Variants in PARP4 observed in about 807,000 individuals in gnomAD.
The protein encoded by PARP4 is protein mono-ADP-ribosyltransferase PARP4.
PARP4 carries 120 observed loss-of-function variants against 187.7 expected under a neutral mutation model. That is an observed-to-expected ratio of 0.64 (90% confidence interval 0.55 to 0.74). The LOEUF (loss-of-function observed/expected upper bound fraction) is 0.74. Ranked by LOEUF, PARP4 falls within the 30% of genes least tolerant of loss-of-function variation. The pLI is 0.00. For synonymous variants in PARP4, 654 were observed against 740.9 expected, an observed-to-expected ratio of 0.88 and a Z score of 1.90; for missense variants, 1,836 against 2,070.5, an observed-to-expected ratio of 0.89 and a Z score of 2.20.
chr13:24,451,395 A>T (rs9581049), intron 24 of PARP4, among the ~76,000 whole-genome samples: 23,770 of 152,160 alleles, frequency 0.16, 2,442 homozygotes, highest in African/African-American at 0.28. Flanking sequence ...GAGCTGTGAC[A>T]GTGGAGGACA....
At chr13:24,460,465 C>CTCTGCTGCATGGGTGGGT (rs1872160451) in intron 17 of PARP4, among the ~76,000 whole-genome samples, 2 of 97,972 alleles carry the variant, frequency 2.0e-5, no homozygotes, top group Non-Finnish European at 2.2e-5. Flanking sequence ...CACGGGTGGG[C>CTCTGCTGCATGGGTGGGT]TCTGCTGCAC....
At chr13:24,451,992 C>G (rs762647924) in intron 24 of PARP4, 24 of 155,888 alleles carry the variant, frequency 1.5e-4, no homozygotes, top group Non-Finnish European at 3.0e-4. Context: ...GAGTCCAGCA[C>G]AGCCAGTGAG....
intron 33 of PARP4, among the ~76,000 whole-genome samples, chr13:24,425,355 C>T (rs930300037): frequency 6.6e-6 from 1 of 152,152 alleles, no homozygotes; most frequent in Non-Finnish European, 1.5e-5. Flanking sequence ...AATATTTACA[C>T]AGTTCCAAAG....
intron 10 of PARP4, among the ~76,000 whole-genome samples, chr13:24,488,373 A>G (rs1440212246): frequency 6.6e-6 from 1 of 152,210 alleles, no homozygotes; most frequent in East Asian, 1.9e-4. Context: ...AATGTTTTTG[A>G]GACAGAGTCC....
chr13:24,500,420 C>T, intron 3 of PARP4, 38 bp from the exon 4 acceptor site: 1 of 1,279,532 alleles, frequency 7.8e-7, no homozygotes, highest in Non-Finnish European at 1.1e-6. Context: ...GTTTACTGCC[C>T]AAAGACTTAC....
At chr13:24,472,898 T>C (rs1404706233) in intron 15 of PARP4, among the ~76,000 whole-genome samples, 1 of 149,082 alleles carries the variant, frequency 6.7e-6, no homozygotes, top group Non-Finnish European at 1.5e-5. Flanking sequence ...TGAGTTTTTT[T>C]TTTTTTTTTT....
chr13:24,458,641 TA>T (rs1317595723), intron 20 of PARP4, among the ~76,000 whole-genome samples: 2 of 152,164 alleles, frequency 1.3e-5, no homozygotes, highest in African/African-American at 4.8e-5. Context: ...GGCTCAGTGG[TA>T]AACATCATTT....
chr13:24,488,463 T>C (rs1868447093), intron 10 of PARP4, among the ~76,000 whole-genome samples: 2 of 152,136 alleles, frequency 1.3e-5, no homozygotes, highest in Non-Finnish European at 2.9e-5. Context: ...AAGCGATTCT[T>C]GTGCCTCAGC....
At chr13:24,451,987 C>G (rs1871543751) in intron 24 of PARP4, 1 of 155,540 alleles carries the variant, frequency 6.4e-6, no homozygotes, top group Non-Finnish European at 1.4e-5. Flanking sequence ...AGCACGAGTC[C>G]AGCACAGCCA....
chr13:24,482,881 T>G (rs988255565), intron 12 of PARP4, among the ~76,000 whole-genome samples: 1 of 152,220 alleles, frequency 6.6e-6, no homozygotes, highest in African/African-American at 2.4e-5. Context: ...ATTTGACATG[T>G]GTAGCCACAG....
In PARP4 at chr13:24,501,719, T is replaced by A. The variant is rs1346603625; in HGVS notation, c.248A>T (p.Glu83Val). 3.1e-6 allele frequency: 5 copies of A among 1,612,878 alleles called. No homozygotes were observed. The highest frequency in any genetic ancestry group is 1.1e-5 in the South Asian group (1 of 91,058). ...NPDFIWKSIR[E>V]KRLLDVKNYD... ...ATTCTTTACATCCAAGAGTCTCTTT[T>A]CCCTGATAGATTTCCATATAAAATC... The change falls in exon 3 of 34, where the codon GAA (glutamate) becomes GTA (valine). Residue 83 changes from glutamate to valine, a missense_variant. By Grantham distance (121) the Glu-to-Val change is moderately radical. Coordinates refer to ENST00000381989, the MANE Select transcript of PARP4 (RefSeq NM_006437.4).
intron 4 of PARP4, among the ~76,000 whole-genome samples, chr13:24,500,038 G>GTT (rs35514164): frequency 1.9e-4 from 28 of 148,252 alleles, no homozygotes; most frequent in South Asian, 1.5e-3. Flanking sequence ...ATGAAAATAG[G>GTT]TTTTTTTTTA....
chr13:24,446,237 C>T lies in PARP4; in HGVS notation c.3366+444G>A, dbSNP rs1593599709. ...TGCCATACTTAATTGCAGTTATTGC[C>T]ACCCACTGATGCCCATATAGACATA... On this transcript the variant is annotated intron_variant, in intron 27 of 33. Coordinates refer to ENST00000381989, the MANE Select transcript of PARP4 (RefSeq NM_006437.4). Among the ~76,000 whole-genome samples the T allele has an allele frequency of 2.6e-5, 4 of 152,242 alleles. No homozygotes were observed. The East Asian group carries it at 5.8e-4, about 22-fold the overall frequency.
chr13:24,455,480 A>AATAT (rs57015283), intron 21 of PARP4, among the ~76,000 whole-genome samples: 4,062 of 108,336 alleles, frequency 0.037, 177 homozygotes, highest in East Asian at 0.1. Context: ...TTATGGAACA[A>AATAT]ATATATATAT....
chr13:24,435,124 CA>C lies in PARP4; in HGVS notation c.4016del (p.Leu1339CysfsTer9), dbSNP rs1870555981. The stretch of plus-strand genomic sequence containing the variant: ...CTACCTGACGATATGAGGCAAAAGA[CA>C]AGGAAGCAGGACTGTGAGCGCGGGC... ...PTARAHSPAS[L>X]SFASYRQVAS... On this transcript the variant is annotated frameshift_variant, in exon 31 of 34. Coordinates refer to ENST00000381989, the MANE Select transcript of PARP4 (RefSeq NM_006437.4). LOFTEE classifies it high-confidence loss of function. The C allele has an allele frequency of 1.2e-6, 2 of 1,614,040 alleles. No individual in the cohort carries two copies. Among genetic ancestry groups the C allele is most frequent in the South Asian group, 2.2e-5 (2 of 91,086 alleles).
intron 25 of PARP4, among the ~76,000 whole-genome samples, chr13:24,449,126 C>A (rs1302054769): frequency 6.6e-6 from 1 of 152,134 alleles, no homozygotes; most frequent in Admixed American, 6.5e-5. Flanking sequence ...CGGTGGCTCA[C>A]GCCTGTAATC....
chr13:24,468,434 C>T (rs1038026818), intron 17 of PARP4, among the ~76,000 whole-genome samples: 159 of 120,692 alleles, frequency 1.3e-3, no homozygotes, highest in Non-Finnish European at 1.6e-3. Context: ...GATGGAGTTT[C>T]GCTCTTGTTG....
At chr13:24,480,018 C>T (rs568667416) in intron 12 of PARP4, among the ~76,000 whole-genome samples, 26 of 152,212 alleles carry the variant, frequency 1.7e-4, no homozygotes, top group African/African-American at 6.3e-4. Context: ...CACTCCTGAG[C>T]CAGCGAGACC....
chr13:24,511,663 T>C (rs1209005957), intron 1 of PARP4, among the ~76,000 whole-genome samples: 4 of 152,228 alleles, frequency 2.6e-5, no homozygotes, highest in Non-Finnish European at 5.9e-5. Context: ...AGTCCCTTTC[T>C]GGGCAGTCTT....
Sources: allele counts gnomAD v4.1 joint callset (sites outside exome capture counted in the v4.1 genomes callset), GRCh38; gene constraint gnomAD v4.1.1; transcripts MANE v1.5; gene names NCBI Gene and HGNC (gene_info 2026-07-23, HGNC 2026-07-21).